TXNRD1: variants seen among roughly 807,000 people sequenced by gnomAD.
TXNRD1 encodes thioredoxin reductase 1, cytoplasmic.
A neutral mutation model predicts 80.3 loss-of-function variants in TXNRD1; 57 were observed. That is an observed-to-expected ratio of 0.71 (90% confidence interval 0.57 to 0.89). The LOEUF (loss-of-function observed/expected upper bound fraction) is 0.89, where lower values mean the gene tolerates loss of function less well. TXNRD1 is among the 40% of genes least tolerant of loss of function. The pLI is 0.00. For missense variants in TXNRD1, 730 were observed against 803.0 expected, an observed-to-expected ratio of 0.91 and a Z score of 1.10; for synonymous variants, 291 against 285.2, an observed-to-expected ratio of 1.02 and a Z score of -0.20.
intron 1 of TXNRD1, among the ~76,000 whole-genome samples, chr12:104,218,596 A>T (rs1247487644): frequency 6.7e-6 from 1 of 150,290 alleles, no homozygotes; most frequent in African/African-American, 2.4e-5. Context: ...ACGGCTTTAT[A>T]CTAGGTATTT....
At chr12:104,262,498 T>C (rs562710224) in intron 3 of TXNRD1, 7 of 152,170 alleles carry the variant, frequency 4.6e-5, no homozygotes, top group Non-Finnish European at 1.0e-4. Flanking sequence ...CTCCTTTATC[T>C]GTTTCTTCTG....
At chr12:104,241,304 G>C (rs1231735145) in intron 1 of TXNRD1, among the ~76,000 whole-genome samples, 1 of 152,192 alleles carries the variant, frequency 6.6e-6, no homozygotes, top group Non-Finnish European at 1.5e-5. Context: ...ATCCCAAAGT[G>C]CTGAGATTAC....
chr12:104,343,747 GC>G (rs1272408788), intron 16 of TXNRD1, among the ~76,000 whole-genome samples: 1 of 151,928 alleles, frequency 6.6e-6, no homozygotes, highest in Non-Finnish European at 1.5e-5. Flanking sequence ...GTTGTACTGA[GC>G]CAAGATCACG....
At chr12:104,242,364 A>G (rs969512918) in intron 1 of TXNRD1, among the ~76,000 whole-genome samples, 14 of 150,804 alleles carry the variant, frequency 9.3e-5, no homozygotes, top group African/African-American at 3.4e-4. Flanking sequence ...CCTGGCCAAG[A>G]TGGTGAAACC....
Position 104,315,826 on chromosome 12 carries a change from G to T in TXNRD1, c.660G>T (p.Met220Ile), listed in dbSNP as rs1205872643. ...VNVGCIPKKL[M>I]HQAALLGQAL... Reference sequence around the variant, plus strand: ...TGGGTTGCATACCTAAAAAACTGATGCATCAAGCAGCTTTGTTAGGACAAG... The same window carrying T: ...TGGGTTGCATACCTAAAAAACTGATTCATCAAGCAGCTTTGTTAGGACAAG... Residue 220 changes from methionine (M) to isoleucine (I), a missense_variant, in exon 7 of 17, where the codon ATG becomes ATT. By Grantham distance (10) the Met-to-Ile change is conservative (BLOSUM62 1). Transcript: ENST00000525566. The T allele has an allele frequency of 1.9e-6, 3 of 1,612,590 alleles. No homozygotes were observed. Among genetic ancestry groups the T allele is most frequent in the Non-Finnish European group, 2.5e-6 (3 of 1,179,092 alleles).
intron 8 of TXNRD1, 65 bp downstream of exon 8, chr12:104,319,120 A>G: frequency 6.5e-7 from 1 of 1,527,592 alleles, no homozygotes; most frequent in Non-Finnish European, 8.8e-7. Flanking sequence ...AGCTTTGGTT[A>G]GAAAATGTTA....
At chr12:104,226,792 C>G (rs2032482940) in intron 1 of TXNRD1, among the ~76,000 whole-genome samples, 1 of 152,094 alleles carries the variant, frequency 6.6e-6, no homozygotes, top group Non-Finnish European at 1.5e-5. Context: ...TGTAATAATT[C>G]CAAATAAAAA....
chr12:104,282,049 T>C (rs1315771532), intron 3 of TXNRD1, among the ~76,000 whole-genome samples: 1 of 152,230 alleles, frequency 6.6e-6, no homozygotes, highest in African/African-American at 2.4e-5. Flanking sequence ...AAATTTTTTA[T>C]TTGGAAAGAA....
chr12:104,275,383 G>C (rs1422908818), intron 3 of TXNRD1, among the ~76,000 whole-genome samples: 1 of 152,018 alleles, frequency 6.6e-6, no homozygotes, highest in East Asian at 1.9e-4. Context: ...GCCACAGACT[G>C]CTTGCTAATT....
chr12:104,232,743 G>A (rs549335744), intron 1 of TXNRD1, among the ~76,000 whole-genome samples: 31 of 152,182 alleles, frequency 2.0e-4, no homozygotes, highest in East Asian at 9.7e-4. Flanking sequence ...ATAAATTTTC[G>A]GTGCTGCAAA....
At chr12:104,333,105 G>C (rs1415137976) in intron 14 of TXNRD1, among the ~76,000 whole-genome samples, 1 of 151,914 alleles carries the variant, frequency 6.6e-6, no homozygotes, top group Non-Finnish European at 1.5e-5. Flanking sequence ...TTTAAGGGGT[G>C]CTATACTGTA....
chr12:104,293,646 TC>T (rs2034309248), intron 4 of TXNRD1, among the ~76,000 whole-genome samples: 1 of 152,174 alleles, frequency 6.6e-6, no homozygotes, highest in Admixed American at 6.5e-5. Flanking sequence ...ATTGGGGGTT[TC>T]ACCATGTTGT....
intron 4 of TXNRD1, chr12:104,304,440 A>G (rs2034795726): frequency 1.2e-6 from 2 of 1,613,982 alleles, no homozygotes; most frequent in Middle Eastern, 1.6e-4. Flanking sequence ...GAGACATTCC[A>G]TTTTGTTTTT....
intron 3 of TXNRD1, among the ~76,000 whole-genome samples, chr12:104,267,123 G>A (rs755888319): frequency 6.4e-4 from 95 of 147,722 alleles, no homozygotes; most frequent in Admixed American, 8.0e-4. Flanking sequence ...CCGAGATCGC[G>A]CCACTGCACT....
intron 4 of TXNRD1, among the ~76,000 whole-genome samples, chr12:104,292,522 T>C (rs766924592): frequency 6.6e-6 from 1 of 151,892 alleles, no homozygotes; most frequent in Non-Finnish European, 1.5e-5. Context: ...GCCTCTCAAG[T>C]AGCTGGGATT....
intron 16 of TXNRD1, among the ~76,000 whole-genome samples, chr12:104,341,698 C>G (rs78630277): frequency 0.014 from 2,072 of 152,196 alleles, 33 homozygotes; most frequent in African/African-American, 0.048. Flanking sequence ...CTCCAGCTTT[C>G]TAGACACCAG....
intron 4 of TXNRD1, among the ~76,000 whole-genome samples, chr12:104,290,135 C>T (rs2034127277): frequency 6.6e-6 from 1 of 152,160 alleles, no homozygotes; most frequent in African/African-American, 2.4e-5. Context: ...AAACCTAACG[C>T]CTGCGTTAAA....
intron 15 of TXNRD1, among the ~76,000 whole-genome samples, chr12:104,334,852 C>T (rs2036078342): frequency 6.6e-6 from 1 of 152,166 alleles, no homozygotes; most frequent in Non-Finnish European, 1.5e-5. Context: ...GCAGCCAAAA[C>T]TTACTGAGTG....
chr12:104,303,862 A>G (rs2034754063), intron 4 of TXNRD1: 2 of 1,460,904 alleles, frequency 1.4e-6, no homozygotes, highest in South Asian at 1.4e-5. Context: ...ACGAAGAGAA[A>G]GGAGAGGAGC....
Sources: gnomAD v4.1 joint callset for allele counts (sites outside exome capture counted in the v4.1 genomes callset) on GRCh38, gnomAD v4.1.1 for gene constraint, MANE v1.5 for transcripts, NCBI Gene and HGNC (gene_info 2026-07-23, HGNC 2026-07-21) for gene names.